PSG1: variants seen among roughly 807,000 people sequenced by gnomAD.
The protein encoded by PSG1 is pregnancy specific beta-1-glycoprotein 1.
A neutral mutation model predicts 41.4 loss-of-function variants in PSG1; 60 were observed. That is an observed-to-expected ratio of 1.45 (90% confidence interval 1.18 to 1.80). The LOEUF (loss-of-function observed/expected upper bound fraction) is 1.80. Ranked by LOEUF, PSG1 falls within the 40% of genes most tolerant of loss-of-function variation. PSG1 has a pLI of 0.00. For synonymous variants in PSG1, 256 were observed against 192.9 expected (o/e 1.33, Z -2.71); for missense variants, 806 against 516.9 (o/e 1.56, Z -5.42).
rs865928086 is a variant in PSG1, at chr19:42,868,126, G to A, written c.1218C>T (p.Ser406=). 1 of 1,612,340 alleles carries A rather than the reference G, an allele frequency of 6.2e-7. No individual in the cohort carries two copies. Among genetic ancestry groups the A allele is most frequent in the Non-Finnish European group, 8.5e-7 (1 of 1,179,100 alleles). ...VRNSATGKES[S]KSMTVEVSDW... ...CAGAGACTTCGACTGTCATGGATTT[G>A]GAGCTTTCCTTGCCAGTGGCTGAGT... The change falls in exon 5 of 6, where the codon TCC becomes TCT. Residue 406 remains serine, a synonymous_variant. Transcript: ENST00000436291.
chr19:42,867,234 T>A (rs1437750740), intron 5 of PSG1, 84 bp from the exon 6 acceptor site: 1 of 756,982 alleles, frequency 1.3e-6, no homozygotes, highest in Non-Finnish European at 2.4e-6. Flanking sequence ...ATTTTCCACA[T>A]AATTTTTCCC....
At chr19:42,877,880 C>T (rs1281853236) in intron 2 of PSG1, 33 bp downstream of exon 2, 2 of 1,611,926 alleles carry the variant, frequency 1.2e-6, no homozygotes, top group South Asian at 1.1e-5. Context: ...ACCCCTGTCC[C>T]CCAACACCCA....
chr19:42,876,511 T>C (rs148945812), intron 2 of PSG1, among the ~76,000 whole-genome samples: 3 of 151,412 alleles, frequency 2.0e-5, no homozygotes, highest in Non-Finnish European at 4.4e-5. Flanking sequence ...TTTTGGATCA[T>C]TCATTTCTTC....
rs182291776 is a variant in PSG1 at position 42,873,864 on chromosome 19, T to G, written c.431-1819A>C. Among the ~76,000 whole-genome samples, 1,340 of 151,770 alleles carry G rather than the reference T, an allele frequency of 8.8e-3. 47 individuals carry two copies. The highest frequency in any genetic ancestry group is 0.03 in the African/African-American group (1,234 of 41,378). On this transcript the variant is annotated intron_variant, in intron 2 of 5. Coordinates refer to ENST00000436291, the MANE Select transcript of PSG1 (RefSeq NM_001184825.2). ...AATGGGGAGGACCTCAAAACAGGTA[T>G]GTGAAATGCTTTCTTCATTTTCTCT...
intron 3 of PSG1, among the ~76,000 whole-genome samples, chr19:42,870,960 A>G (rs1156452310): frequency 6.6e-6 from 1 of 151,590 alleles, no homozygotes; most frequent in Non-Finnish European, 1.5e-5. Flanking sequence ...GGGACAGGCA[A>G]AAGCTGGTGG....
intron 2 of PSG1, 35 bp downstream of exon 2, chr19:42,877,878 C>G: frequency 6.2e-7 from 1 of 1,611,800 alleles, no homozygotes; most frequent in Non-Finnish European, 8.5e-7. Flanking sequence ...TGACCCCTGT[C>G]CCCCAACACC....
chr19:42,870,804 A>C (rs1407219025), intron 3 of PSG1, among the ~76,000 whole-genome samples: 1 of 151,732 alleles, frequency 6.6e-6, no homozygotes, highest in Admixed American at 6.6e-5. Context: ...TTTTCAGGGT[A>C]TAATCATTTG....
chr19:42,871,336 A>G (rs1348593965), intron 3 of PSG1, among the ~76,000 whole-genome samples: 1 of 151,638 alleles, frequency 6.6e-6, no homozygotes, highest in Non-Finnish European at 1.5e-5. Flanking sequence ...TGTATGAGGA[A>G]GAAATGGTGG....
In PSG1 at chr19:42,866,669, C is replaced by T. The variant is rs969032185; in HGVS notation, c.*465G>A. ...TCTCTGTGTTCATTTCTATTGGGAG[C>T]CCTGTATGCAAGGTGGAGAGAGCCA... On this transcript the variant is annotated 3_prime_UTR_variant, in exon 6 of 6. Transcript: ENST00000436291. 3.2e-5 allele frequency: 10 copies of T among 311,476 alleles called. No individual in the cohort carries two copies. The highest frequency in any genetic ancestry group is 1.3e-4 in the African/African-American group (6 of 47,190). 19.3% of individuals were successfully genotyped at this position (311,476 alleles called of 1,614,324 possible). A position where few individuals can be genotyped will look rare whatever the true frequency, so the allele number is the denominator to read the frequency against.
chr19:42,876,005 G>T (rs1037672659), intron 2 of PSG1, among the ~76,000 whole-genome samples: 13 of 151,190 alleles, frequency 8.6e-5, no homozygotes, highest in Non-Finnish European at 1.6e-4. Flanking sequence ...ACATTGGCTC[G>T]AGAGGAAGCC....
At chr19:42,878,442 G>A (rs1907153035) in intron 1 of PSG1, 164 bp from the exon 2 acceptor site, 2 of 1,215,194 alleles carry the variant, frequency 1.6e-6, no homozygotes, top group Non-Finnish European at 1.1e-6. Context: ...AGCGGCATGT[G>A]TGATTGTGTG....
At chr19:42,872,512 A>C (rs1252135125) in intron 2 of PSG1, among the ~76,000 whole-genome samples, 13 of 151,640 alleles carry the variant, frequency 8.6e-5, no homozygotes, top group Non-Finnish European at 2.9e-5. Context: ...TTGTCCTTAA[A>C]ACCTTTGGGT....
intron 1 of PSG1, among the ~76,000 whole-genome samples, chr19:42,879,142 C>G (rs895327982): frequency 1.4e-5 from 2 of 141,478 alleles, no homozygotes; most frequent in Non-Finnish European, 3.0e-5. Flanking sequence ...GCCTTCTTTC[C>G]TTTTTTTCTT....
chr19:42,877,903 A>G lies in PSG1; in HGVS notation c.430+10T>C. ...CCCCCAACACCCAGGGATCATGTGG[A>G]ATCACTTACGGTGTAAGGTGAAGGT... On this transcript the variant is annotated intron_variant, in intron 2 of 5. Coordinates refer to ENST00000436291, the MANE Select transcript of PSG1 (RefSeq NM_001184825.2). 2 of 1,611,982 alleles carry G rather than the reference A, an allele frequency of 1.2e-6. No homozygotes were observed. Among genetic ancestry groups the G allele is most frequent in the Non-Finnish European group, 1.7e-6 (2 of 1,178,902 alleles).
In PSG1 at chr19:42,871,762, C is replaced by G. The variant is rs377121219; in HGVS notation, c.709+5G>C. On this transcript the variant is annotated splice_donor_5th_base_variant and intron_variant, in intron 3 of 5. Coordinates refer to ENST00000436291, the MANE Select transcript of PSG1 (RefSeq NM_001184825.2). ...CTGGCTCACAGAGGAACAGAAGATA[C>G]TCACGGAGGAGATTCAGGGTGACTG... The G allele has an allele frequency of 2.1e-5, 34 of 1,612,564 alleles. No individual in the cohort carries two copies. Among genetic ancestry groups the G allele is most frequent in the South Asian group, 6.6e-5 (6 of 90,834 alleles).
At chr19:42,877,665 T>A (rs1327721856) in intron 2 of PSG1, among the ~76,000 whole-genome samples, 1 of 151,718 alleles carries the variant, frequency 6.6e-6, no homozygotes, top group African/African-American at 2.4e-5. Context: ...GATCTCCTCC[T>A]GCTGAGTCCC....
chr19:42,872,128 C>G lies in PSG1; in HGVS notation c.431-83G>C, dbSNP rs1453724972. The G allele has an allele frequency of 4.6e-6, 7 of 1,531,564 alleles. No homozygotes were observed. In the African/African-American group the frequency reaches 6.9e-5, roughly 15 times the overall value. 94.9% of individuals were successfully genotyped at this position (1,531,564 alleles called of 1,614,324 possible). A position where few individuals can be genotyped will look rare whatever the true frequency, so the allele number is the denominator to read the frequency against. On this transcript the variant is annotated intron_variant, in intron 2 of 5. Coordinates refer to ENST00000436291, the MANE Select transcript of PSG1 (RefSeq NM_001184825.2). Reference sequence around the variant, plus strand: ...CATTTTTCAATCAGAATTGGCATTTCCCACCTCTCAGCCCACCCAAGTCCT... The same window carrying G: ...CATTTTTCAATCAGAATTGGCATTTGCCACCTCTCAGCCCACCCAAGTCCT...
Position 42,868,492 on chromosome 19 carries a change from A to G in PSG1, c.989-137T>C. On this transcript the variant is annotated intron_variant, in intron 4 of 5. Coordinates refer to ENST00000436291, the MANE Select transcript of PSG1 (RefSeq NM_001184825.2). Reference sequence around the variant, plus strand: ...AGCCCAACCCCCTCTATGTTCACTGAGCCGAATCCTGAGGTATTCCCCTGT... The same window carrying G: ...AGCCCAACCCCCTCTATGTTCACTGGGCCGAATCCTGAGGTATTCCCCTGT... 6 of 1,487,854 alleles carry G rather than the reference A, an allele frequency of 4.0e-6. No homozygotes were observed. In the South Asian group the frequency reaches 8.2e-5, roughly 20 times the overall value. The allele number at this position is 1,487,854 out of a possible 1,614,324, so 92.2% of individuals were successfully genotyped here. A position where few individuals can be genotyped will look rare whatever the true frequency, so the allele number is the denominator to read the frequency against.
At position 42,877,893 on chromosome 19, in the gene PSG1, G is replaced by T; in HGVS notation, c.430+20C>A. ...TGACCCCTGTCCCCCAACACCCAGG[G>T]ATCATGTGGAATCACTTACGGTGTA... is the stretch of plus-strand genomic sequence containing the variant. On this transcript the variant is annotated intron_variant, in intron 2 of 5. Transcript: ENST00000436291. The T allele has an allele frequency of 3.1e-6, 5 of 1,611,984 alleles. No individual in the cohort carries two copies. Among genetic ancestry groups the T allele is most frequent in the Non-Finnish European group, 4.2e-6 (5 of 1,178,878 alleles).
Sources: gnomAD v4.1 joint callset for allele counts (sites outside exome capture counted in the v4.1 genomes callset) on GRCh38, gnomAD v4.1.1 for gene constraint, MANE v1.5 for transcripts, NCBI Gene and HGNC (gene_info 2026-07-23, HGNC 2026-07-21) for gene names.